SH3KBP1: variants seen among roughly 807,000 people sequenced by gnomAD.
SH3KBP1 encodes the protein SH3 domain-containing kinase-binding protein 1.
SH3KBP1 carries 8 observed loss-of-function variants against 50.1 expected under a neutral mutation model. The observed-to-expected ratio is 0.16, with a 90% CI of 0.09 to 0.29. The LOEUF is 0.29. Ranked by LOEUF, SH3KBP1 falls within the 10% of genes least tolerant of loss-of-function variation. The pLI is 1.00. For synonymous variants in SH3KBP1, 227 were observed against 218.6 expected (o/e 1.04, Z -0.34); for missense variants, 377 against 535.2 (o/e 0.70, Z 2.92).
At chrX:19,753,940 C>A (rs1305101275) in intron 2 of SH3KBP1, among the ~76,000 whole-genome samples, 1 of 112,174 alleles carries the variant, frequency 8.9e-6, no homozygotes, top group Non-Finnish European at 1.9e-5. Flanking sequence ...ACCACAATGG[C>A]TTTCTCATAC....
intron 2 of SH3KBP1, among the ~76,000 whole-genome samples, chrX:19,821,154 G>C (rs1051590440): frequency 1.8e-5 from 2 of 112,126 alleles, no homozygotes; most frequent in African/African-American, 3.2e-5. Flanking sequence ...ACTTTGGGAG[G>C]CCAAGGCGGG....
At chrX:19,698,962 C>T (rs1307195489) in intron 4 of SH3KBP1, among the ~76,000 whole-genome samples, 1 of 111,819 alleles carries the variant, frequency 8.9e-6, no homozygotes, top group Non-Finnish European at 1.9e-5. Context: ...GCCTAAAGAG[C>T]CCTGATTTCC....
Position 19,750,409 on chromosome X carries a change from A to G in SH3KBP1, c.163-3968T>C, listed in dbSNP as rs986926783. Among the ~76,000 whole-genome samples the G allele has an allele frequency of 4.5e-5, 5 of 111,167 alleles. No individual in the cohort carries two copies. The Admixed American group carries it at 4.8e-4, about 11-fold the overall frequency. ...TTATAATCATGTCTTCCTGCCTACA[A>G]TCTCTCCCCTCCCAGTTTAGCCTCT... On this transcript the variant is annotated intron_variant, in intron 2 of 17. Coordinates refer to ENST00000397821, the MANE Select transcript of SH3KBP1 (RefSeq NM_031892.3).
chrX:19,550,398 T>C (rs2065205517), intron 13 of SH3KBP1, among the ~76,000 whole-genome samples: 1 of 111,535 alleles, frequency 9.0e-6, no homozygotes, highest in Non-Finnish European at 1.9e-5. Context: ...TCCTCTTTTT[T>C]CCACAAATCC....
intron 5 of SH3KBP1, among the ~76,000 whole-genome samples, chrX:19,690,781 G>A (rs947241650): frequency 5.3e-5 from 6 of 112,255 alleles, no homozygotes; most frequent in Admixed American, 9.4e-5. Context: ...ATCATGATCC[G>A]TGACAATAAG....
chrX:19,817,379 C>T (rs2067388259), intron 2 of SH3KBP1, among the ~76,000 whole-genome samples: 2 of 111,886 alleles, frequency 1.8e-5, no homozygotes, highest in South Asian at 7.3e-4. Context: ...GGGGAATCAA[C>T]ATCTTAACCA....
chrX:19,592,032 G>A, intron 11 of SH3KBP1, 35 bp downstream of exon 11: 1 of 1,083,859 alleles, frequency 9.2e-7, no homozygotes, highest in Non-Finnish European at 1.3e-6. Flanking sequence ...AGCTCCTGCT[G>A]TTCTGGAAGT....
intron 3 of SH3KBP1, among the ~76,000 whole-genome samples, chrX:19,732,268 T>A (rs1207981201): frequency 1.8e-5 from 2 of 111,312 alleles, no homozygotes; most frequent in Non-Finnish European, 3.8e-5. Context: ...ATCTTCTGTT[T>A]ATTTTGAAAT....
chrX:19,845,867 C>T (rs938416670), intron 1 of SH3KBP1, among the ~76,000 whole-genome samples: 1 of 111,281 alleles, frequency 9.0e-6, no homozygotes, highest in Non-Finnish European at 1.9e-5. Context: ...ACTTCAGCCT[C>T]CTAAAGTGCT....
intron 2 of SH3KBP1, among the ~76,000 whole-genome samples, chrX:19,785,970 T>C (rs2066333840): frequency 9.0e-6 from 1 of 111,562 alleles, no homozygotes; most frequent in South Asian, 3.7e-4. Flanking sequence ...AGAGTTTCAG[T>C]TTTGCAAGAT....
rs765984798 is a variant in SH3KBP1, at chrX:19,581,698, A to G, written c.1298+6945T>C. 3.3e-4 allele frequency among the ~76,000 whole-genome samples: 36 copies of G among 110,453 alleles called. No homozygotes were observed. In the South Asian group the frequency reaches 0.014, roughly 42 times the overall value. On this transcript the variant is annotated intron_variant, in intron 12 of 17. Coordinates refer to ENST00000397821, the MANE Select transcript of SH3KBP1 (RefSeq NM_031892.3). Reference sequence around the variant, plus strand: ...ACTTCCATGCTCTTAAGTTGGTCCCAAGAGAGACATCTGCCCTTCCCTATG... The same window carrying G: ...ACTTCCATGCTCTTAAGTTGGTCCCGAGAGAGACATCTGCCCTTCCCTATG...
chrX:19,552,464 T>C (rs948158167), intron 13 of SH3KBP1, among the ~76,000 whole-genome samples: 9 of 110,213 alleles, frequency 8.2e-5, no homozygotes, highest in Non-Finnish European at 1.5e-4. Context: ...GAGCAGATGC[T>C]GACTGGCAGC....
chrX:19,781,545 G>A (rs2066180214), intron 2 of SH3KBP1, among the ~76,000 whole-genome samples: 1 of 108,079 alleles, frequency 9.3e-6, no homozygotes, highest in African/African-American at 3.4e-5. Flanking sequence ...TTGAGCCCAG[G>A]AGGTCGAGAC....
chrX:19,789,092 C>T (rs1479434807), intron 2 of SH3KBP1, among the ~76,000 whole-genome samples: 1 of 111,295 alleles, frequency 9.0e-6, no homozygotes, highest in East Asian at 2.8e-4. Context: ...CCACTGCACT[C>T]TAGCCTGGGT....
At chrX:19,880,492 T>C (rs1188735719) in intron 1 of SH3KBP1, among the ~76,000 whole-genome samples, 3 of 112,592 alleles carry the variant, frequency 2.7e-5, no homozygotes, top group African/African-American at 9.7e-5. Flanking sequence ...TATCAAAACA[T>C]CTCATGTACC....
At chrX:19,554,204 TAA>T (rs2065387194) in intron 13 of SH3KBP1, among the ~76,000 whole-genome samples, 1 of 77,540 alleles carries the variant, frequency 1.3e-5, no homozygotes, top group Non-Finnish European at 2.2e-5. Context: ...TATATCATAT[TAA>T]AATATAATAT....
chrX:19,639,129 A>C (rs914120397), intron 7 of SH3KBP1, among the ~76,000 whole-genome samples: 1 of 111,633 alleles, frequency 9.0e-6, no homozygotes, highest in African/African-American at 3.3e-5. Flanking sequence ...TGAAGAAGCC[A>C]TGGTCTACAT....
chrX:19,731,932 C>A (rs1283763171), intron 3 of SH3KBP1, among the ~76,000 whole-genome samples: 1 of 111,991 alleles, frequency 8.9e-6, no homozygotes, highest in Non-Finnish European at 1.9e-5. Context: ...AAGATCAGAT[C>A]ACTAAGATCA....
intron 8 of SH3KBP1, among the ~76,000 whole-genome samples, chrX:19,621,331 C>T (rs760331538): frequency 1.4e-4 from 15 of 106,674 alleles, no homozygotes; most frequent in Non-Finnish European, 2.7e-4. Flanking sequence ...CCTCGTGATC[C>T]GCCCGTCTTG....
Sources: gnomAD v4.1 joint callset for allele counts (sites outside exome capture counted in the v4.1 genomes callset) on GRCh38, gnomAD v4.1.1 for gene constraint, MANE v1.5 for transcripts, NCBI Gene and HGNC (gene_info 2026-07-23, HGNC 2026-07-21) for gene names.